IL5RA: variants seen among roughly 807,000 people sequenced by gnomAD.
The protein encoded by IL5RA is interleukin 5 receptor subunit alpha.
In IL5RA, 49 loss-of-function variants were observed where a neutral mutation model predicts 50.0. The observed-to-expected ratio is 0.98, with a 90% CI of 0.78 to 1.24. The LOEUF is 1.24. Among genes scored for constraint, IL5RA ranks in the 50% most tolerant of loss-of-function variants. The pLI is 0.00. For synonymous variants in IL5RA, 202 were observed against 174.0 expected (o/e 1.16, Z -1.26); for missense variants, 600 against 500.4 (o/e 1.20, Z -1.90).
chr3:3,074,049 G>A (rs779209100), intron 11 of IL5RA, among the ~76,000 whole-genome samples: 4 of 152,242 alleles, frequency 2.6e-5, no homozygotes, highest in Non-Finnish European at 4.4e-5. Flanking sequence ...GGGAAAGGAT[G>A]ATTTACTCCA....
rs549574075 is a variant in IL5RA, at chr3:3,081,852, T to A, written c.995-5225A>T. Among the ~76,000 whole-genome samples the A allele has an allele frequency of 1.4e-4, 21 of 152,248 alleles. No individual in the cohort carries two copies. In the South Asian group the frequency reaches 1.9e-3, roughly 14 times the overall value. ...GGAGGGAGGTGGCACATTAGTCATT[T>A]CTCCTGGCCTGGCCTCTCCAGTTGC... is the stretch of plus-strand genomic sequence containing the variant. On this transcript the variant is annotated intron_variant, in intron 9 of 11. Transcript: ENST00000446632.
At chr3:3,100,016 T>C (rs973737648) in intron 5 of IL5RA, among the ~76,000 whole-genome samples, 61 of 152,314 alleles carry the variant, frequency 4.0e-4, no homozygotes, top group African/African-American at 1.4e-3. Context: ...TAAGGATTTC[T>C]CAAATTATGT....
chr3:3,095,080 T>G (rs923516449), intron 8 of IL5RA, among the ~76,000 whole-genome samples: 31 of 152,200 alleles, frequency 2.0e-4, no homozygotes, highest in Admixed American at 1.9e-3. Flanking sequence ...TCTAATCCTT[T>G]GTATTAGTTT....
In IL5RA at chr3:3,067,805, G is replaced by A. The variant is rs1242719269; in HGVS notation, c.*2420C>T. On this transcript the variant is annotated 3_prime_UTR_variant, in exon 12 of 12. Coordinates refer to ENST00000446632, the MANE Select transcript of IL5RA (RefSeq NM_175726.4). ...GTGGCAAGGAGCTCCACAGAGCCCA[G>A]GTGATCTATGGCTGCTGAGTGGAGG... 6.6e-6 allele frequency: 1 copy of A among 152,414 alleles called. No homozygotes were observed. Among genetic ancestry groups the A allele is most frequent in the African/African-American group, 2.4e-5 (1 of 41,456 alleles). 9.4% of individuals were successfully genotyped at this position (152,414 alleles called of 1,614,324 possible). A position where few individuals can be genotyped will look rare whatever the true frequency, so the allele number is the denominator to read the frequency against.
intron 7 of IL5RA, 51 bp downstream of exon 7, chr3:3,097,819 G>T (rs1451836372): frequency 6.4e-7 from 1 of 1,562,974 alleles, no homozygotes; most frequent in African/African-American, 1.4e-5. Flanking sequence ...TCCTTCCAGT[G>T]CTGAGATTCC....
chr3:3,077,990 A>T (rs908646458), intron 9 of IL5RA, among the ~76,000 whole-genome samples: 6 of 152,146 alleles, frequency 3.9e-5, no homozygotes, highest in Non-Finnish European at 5.9e-5. Flanking sequence ...TATGTTTGGA[A>T]CTGTACAAAT....
chr3:3,097,745 A>C (rs1703429261), intron 7 of IL5RA, 125 bp downstream of exon 7: 3 of 1,072,164 alleles, frequency 2.8e-6, no homozygotes, highest in Non-Finnish European at 4.0e-6. Context: ...GTGGTTTTCA[A>C]ACATGGGTCT....
intron 2 of IL5RA, among the ~76,000 whole-genome samples, chr3:3,108,036 ATTCCAGAC>A (rs1331737840): frequency 1.3e-5 from 2 of 152,162 alleles, no homozygotes; most frequent in Non-Finnish European, 2.9e-5. Context: ...GTAACACCTA[ATTCCAGAC>A]TCAACCTTAG....
chr3:3,081,263 C>G (rs1702655062), intron 9 of IL5RA, among the ~76,000 whole-genome samples: 1 of 152,116 alleles, frequency 6.6e-6, no homozygotes, highest in South Asian at 2.1e-4. Flanking sequence ...AAACTAATAA[C>G]AGCAAATCAA....
intron 9 of IL5RA, among the ~76,000 whole-genome samples, chr3:3,085,979 G>A (rs17878565): frequency 2.0e-5 from 3 of 152,092 alleles, no homozygotes; most frequent in Admixed American, 6.5e-5. Context: ...ATCTGAAAAC[G>A]GTGCTGAGTC....
chr3:3,069,049 A>G lies in IL5RA; in HGVS notation c.*1176T>C, dbSNP rs995000013. ...AAAACTGACTAAAACACCTCCAGAA[A>G]GCATTTAAAGAGTGTGCCAGGTGGG... On this transcript the variant is annotated 3_prime_UTR_variant, in exon 12 of 12. Coordinates refer to ENST00000446632, the MANE Select transcript of IL5RA (RefSeq NM_175726.4). 1.3e-5 allele frequency: 2 copies of G among 152,218 alleles called. No homozygotes were observed. Among genetic ancestry groups the G allele is most frequent in the African/African-American group, 4.8e-5 (2 of 41,450 alleles). 9.4% of individuals were successfully genotyped at this position (152,218 alleles called of 1,614,324 possible). A position where few individuals can be genotyped will look rare whatever the true frequency, so the allele number is the denominator to read the frequency against.
At position 3,087,837 on chromosome 3, in the gene IL5RA, A is replaced by G. The variant is rs542345606; in HGVS notation, c.994+4387T>C. Among the ~76,000 whole-genome samples, 6 of 152,364 alleles carry G rather than the reference A, an allele frequency of 3.9e-5. 1 individual carries two copies. In the South Asian group the frequency reaches 1.2e-3, roughly 32 times the overall value. ...TATTGCTGCATCCTCAAGGGATAAA[A>G]AAGAGCCATGCAAAATGTCCCAGAG... On this transcript the variant is annotated intron_variant, in intron 9 of 11. Coordinates refer to ENST00000446632, the MANE Select transcript of IL5RA (RefSeq NM_175726.4).
rs773655212 is a variant in IL5RA at position 3,097,943 on chromosome 3, C to T, written c.636G>A (p.Ala212=). 2.6e-5 allele frequency: 42 copies of T among 1,614,026 alleles called. No homozygotes were observed. In the East Asian group the frequency reaches 4.5e-4, roughly 17 times the overall value. Residue 212 remains alanine, a synonymous_variant, in exon 7 of 12, where the codon GCG becomes GCA. Coordinates refer to ENST00000446632, the MANE Select transcript of IL5RA (RefSeq NM_175726.4). ...GCTTGCTGGAGCCGTTAACAAGCAC[C>T]GCAAGCCAGTCACGCCCTTTGCTGA... ...FILSKGRDWL[A]VLVNGSSKHS...
intron 11 of IL5RA, among the ~76,000 whole-genome samples, chr3:3,073,314 G>A (rs1443545396): frequency 1.3e-5 from 2 of 152,122 alleles, no homozygotes; most frequent in African/African-American, 4.8e-5. Context: ...TCATTTGAGA[G>A]AAACCTAAAT....
intron 2 of IL5RA, among the ~76,000 whole-genome samples, chr3:3,107,830 A>C (rs1704001535): frequency 6.6e-6 from 1 of 152,198 alleles, no homozygotes; most frequent in Non-Finnish European, 1.5e-5. Context: ...GTTTCTAGGA[A>C]GTTTGGTAAA....
intron 8 of IL5RA, among the ~76,000 whole-genome samples, chr3:3,094,245 C>G (rs546803991): frequency 9.2e-5 from 14 of 152,324 alleles, no homozygotes; most frequent in Non-Finnish European, 1.8e-4. Context: ...AACTGGAACT[C>G]TGTACCCATT....
chr3:3,071,630 C>T (rs548137645), intron 11 of IL5RA, among the ~76,000 whole-genome samples: 4 of 148,506 alleles, frequency 2.7e-5, no homozygotes, highest in African/African-American at 1.0e-4. Flanking sequence ...GGCTACATCA[C>T]CCAAGCTGCA....
chr3:3,099,101 T>A (rs17026703), intron 5 of IL5RA, among the ~76,000 whole-genome samples: 38,326 of 152,166 alleles, frequency 0.25, 5,577 homozygotes, highest in East Asian at 0.34. Flanking sequence ...AGGTTGCTGC[T>A]CAGAAGAAAT....
At chr3:3,086,114 G>C (rs1702850489) in intron 9 of IL5RA, among the ~76,000 whole-genome samples, 1 of 152,224 alleles carries the variant, frequency 6.6e-6, no homozygotes, top group Admixed American at 6.5e-5. Flanking sequence ...GGCAATTGCA[G>C]TGATTGTAGT....
Sources: gnomAD v4.1 joint callset for allele counts (sites outside exome capture counted in the v4.1 genomes callset) on GRCh38, gnomAD v4.1.1 for gene constraint, MANE v1.5 for transcripts, NCBI Gene and HGNC (gene_info 2026-07-23, HGNC 2026-07-21) for gene names.